Variants in VRK2 observed in about 807,000 individuals in gnomAD.
The protein encoded by VRK2 is serine/threonine-protein kinase VRK2.
In VRK2, 60 loss-of-function variants were observed where a neutral mutation model predicts 57.6. That is an observed-to-expected ratio of 1.04 (90% CI 0.85 to 1.29). VRK2 has a LOEUF of 1.29. Among genes scored for constraint, VRK2 ranks in the 50% most tolerant of loss-of-function variants. The probability of loss-of-function intolerance (pLI) is 0.00; values close to 1 mark genes in which losing one functional copy is unlikely to be tolerated. For synonymous variants in VRK2, 231 were observed against 199.2 expected, an observed-to-expected ratio of 1.16 and a Z score of -1.35; for missense variants, 705 against 588.1, an observed-to-expected ratio of 1.20 and a Z score of -2.06.
chr2:58,048,748 C>A, intron 1 of VRK2, 79 bp from the exon 2 acceptor site: 2 of 1,546,668 alleles, frequency 1.3e-6, no homozygotes, highest in Non-Finnish European at 1.7e-6. Flanking sequence ...CTATTGAAGA[C>A]ATTTTGGGAA....
At chr2:58,096,394 C>T (rs976948229) in intron 7 of VRK2, among the ~76,000 whole-genome samples, 7 of 152,068 alleles carry the variant, frequency 4.6e-5, no homozygotes, top group Non-Finnish European at 8.8e-5. Flanking sequence ...TGCTTTTCTG[C>T]GTGGTAGTTC....
At chr2:58,141,564 C>T (rs1681341808) in intron 11 of VRK2, among the ~76,000 whole-genome samples, 1 of 151,940 alleles carries the variant, frequency 6.6e-6, no homozygotes, top group Non-Finnish European at 1.5e-5. Flanking sequence ...TGTATGTGAT[C>T]AGCCTGGATG....
chr2:58,147,899 G>C (rs910420496), intron 12 of VRK2, among the ~76,000 whole-genome samples: 3 of 149,324 alleles, frequency 2.0e-5, no homozygotes, highest in African/African-American at 7.4e-5. Flanking sequence ...CTATATCATA[G>C]TTCACATGTC....
intron 9 of VRK2, among the ~76,000 whole-genome samples, chr2:58,132,486 G>A (rs2104545252): frequency 6.6e-6 from 1 of 152,214 alleles, no homozygotes; most frequent in Middle Eastern, 3.4e-3. Flanking sequence ...TTTATTACCT[G>A]GATTCGGCTA....
chr2:58,051,105 G>A (rs574560297), intron 2 of VRK2, among the ~76,000 whole-genome samples: 11 of 152,216 alleles, frequency 7.2e-5, no homozygotes, highest in South Asian at 2.1e-4. Flanking sequence ...TCGGCCTCCC[G>A]AAGTGTTGGG....
At chr2:58,101,398 G>A (rs888084919) in intron 7 of VRK2, among the ~76,000 whole-genome samples, 2 of 151,516 alleles carry the variant, frequency 1.3e-5, no homozygotes, top group Non-Finnish European at 3.0e-5. Flanking sequence ...TAGTATGTAT[G>A]CATCTCCAAA....
At chr2:57,971,953 G>A (rs574796029) in intron 1 of VRK2, among the ~76,000 whole-genome samples, 5 of 151,848 alleles carry the variant, frequency 3.3e-5, no homozygotes, top group Non-Finnish European at 7.4e-5. Context: ...ACTCATTACA[G>A]TTAACCTAAT....
intron 6 of VRK2, among the ~76,000 whole-genome samples, 158 bp downstream of exon 6, chr2:58,088,604 A>G (rs546617551): frequency 7.9e-5 from 12 of 152,312 alleles, no homozygotes; most frequent in South Asian, 4.1e-4. Flanking sequence ...ATTGATAACA[A>G]TGGGCTCTGT....
chr2:58,032,991 C>T (rs1472035826), intron 2 of VRK2, among the ~76,000 whole-genome samples: 2 of 152,080 alleles, frequency 1.3e-5, no homozygotes, highest in Non-Finnish European at 2.9e-5. Context: ...GCACACTGAA[C>T]CTGCTTCACA....
chr2:57,918,430 T>C (rs951827193), intron 1 of VRK2, among the ~76,000 whole-genome samples: 5 of 152,070 alleles, frequency 3.3e-5, no homozygotes, highest in South Asian at 2.1e-4. Flanking sequence ...TATGGCTCAA[T>C]TGGAAACATC....
chr2:57,959,940 AG>A (rs1420061447), intron 1 of VRK2, among the ~76,000 whole-genome samples: 1 of 151,886 alleles, frequency 6.6e-6, no homozygotes, highest in Non-Finnish European at 1.5e-5. Flanking sequence ...CTTCAGCAGG[AG>A]CAAGGCTGAG....
chr2:57,998,625 T>C (rs1168718780), intron 1 of VRK2, among the ~76,000 whole-genome samples: 3 of 152,192 alleles, frequency 2.0e-5, no homozygotes, highest in Non-Finnish European at 2.9e-5. Flanking sequence ...GAGAATTTTA[T>C]TTTACTTTAA....
At chr2:57,907,999 G>T (rs1669877768) in intron 1 of VRK2, among the ~76,000 whole-genome samples, 1 of 152,118 alleles carries the variant, frequency 6.6e-6, no homozygotes, top group South Asian at 2.1e-4. Flanking sequence ...CTAAGAAACA[G>T]TCTAGCAGTG....
chr2:58,048,686 C>T (rs979653015), intron 1 of VRK2, 141 bp from the exon 2 acceptor site: 3 of 1,502,508 alleles, frequency 2.0e-6, no homozygotes, highest in African/African-American at 2.8e-5. Context: ...GTGGGCTTTT[C>T]CAAACTGAAT....
At chr2:58,137,253 T>TACATATATATC (rs1558687640) in intron 10 of VRK2, among the ~76,000 whole-genome samples, 2 of 115,470 alleles carry the variant, frequency 1.7e-5, no homozygotes, top group Non-Finnish European at 3.8e-5. Flanking sequence ...ATATATATGA[T>TACATATATATC]ATATATGATA....
chr2:58,146,706 C>G (rs560445661), intron 12 of VRK2, among the ~76,000 whole-genome samples: 215 of 152,024 alleles, frequency 1.4e-3, no homozygotes, highest in African/African-American at 5.0e-3. Context: ...TTTCTTTATT[C>G]TAAGAATGTA....
At chr2:57,951,668 T>A (rs1389322145) in intron 1 of VRK2, among the ~76,000 whole-genome samples, 1 of 152,202 alleles carries the variant, frequency 6.6e-6, no homozygotes. Context: ...TCAGCAGTCA[T>A]GTACACTGAG....
upstream of VRK2, among the ~76,000 whole-genome samples, chr2:58,044,118 G>A (rs1316973385): frequency 6.6e-6 from 1 of 152,144 alleles, no homozygotes; most frequent in Non-Finnish European, 1.5e-5. Context: ...TAAGGGTTGA[G>A]GTTTCTTTCT....
rs547661589 is a variant in VRK2, at chr2:58,019,360, T to C, written c.-438-6305T>C. ...GGAAATTCAGCAGTGGTCCCATACA[T>C]GTAAACATTATGCAATATTAACTTT... On this transcript the variant is annotated intron_variant, in intron 1 of 15. Transcript: ENST00000417641. Among the ~76,000 whole-genome samples the C allele has an allele frequency of 1.4e-4, 21 of 152,330 alleles. 1 individual carries two copies. Among genetic ancestry groups the C allele is most frequent in the African/African-American group, 3.6e-4 (15 of 41,568 alleles).
Sources: allele counts gnomAD v4.1 joint callset (sites outside exome capture counted in the v4.1 genomes callset), GRCh38; gene constraint gnomAD v4.1.1; transcripts MANE v1.5; gene names NCBI Gene and HGNC (gene_info 2026-07-23, HGNC 2026-07-21).